The following AKNA variants were observed in gnomAD, a reference collection of about 807,000 sequenced individuals.
AKNA encodes the protein AT-hook transcription factor.
In AKNA, 67 loss-of-function variants were observed where a neutral mutation model predicts 138.8. The observed-to-expected ratio is 0.48, with a 90% CI of 0.40 to 0.59. AKNA has a LOEUF of 0.59. AKNA is among the 20% of genes least tolerant of loss of function. The probability of loss-of-function intolerance (pLI) is 0.00; values close to 1 mark genes in which losing one functional copy is unlikely to be tolerated. For missense variants in AKNA, 1,813 were observed against 1,880.4 expected, an observed-to-expected ratio of 0.96 and a Z score of 0.66; for synonymous variants, 737 against 754.4, an observed-to-expected ratio of 0.98 and a Z score of 0.38.
At chr9:114,341,844 ACTCC>A in intron 20 of AKNA, 119 bp from the exon 21 acceptor site, 2 of 1,339,354 alleles carry the variant, frequency 1.5e-6, no homozygotes, top group African/African-American at 2.9e-5. Flanking sequence ...ACCCTGTGAG[ACTCC>A]ATGTCGGGGA....
intron 21 of AKNA, among the ~76,000 whole-genome samples, chr9:114,339,894 C>T (rs893310017): frequency 6.6e-6 from 1 of 152,170 alleles, no homozygotes; most frequent in Non-Finnish European, 1.5e-5. Flanking sequence ...GCCAGGAGGT[C>T]AAGACCAGCC....
intron 12 of AKNA, 56 bp downstream of exon 12, chr9:114,357,865 G>C (rs1471853253): frequency 1.3e-6 from 2 of 1,574,944 alleles, no homozygotes; most frequent in Non-Finnish European, 1.7e-6. Flanking sequence ...AGAAAGTTGA[G>C]AAGACCCAGG....
chr9:114,331,001 T>A (rs1263370159), downstream of AKNA: 21 of 657,458 alleles, frequency 3.2e-5, no homozygotes, highest in Non-Finnish European at 2.7e-6. Flanking sequence ...TACCACGTGC[T>A]CAGAAAAAAT....
At chr9:114,340,163 A>C (rs975753671) in intron 21 of AKNA, among the ~76,000 whole-genome samples, 2 of 152,170 alleles carry the variant, frequency 1.3e-5, no homozygotes, top group Non-Finnish European at 2.9e-5. Context: ...CGAATAGAGG[A>C]CCAGGGCTGG....
upstream of AKNA, among the ~76,000 whole-genome samples, chr9:114,392,204 G>A (rs557381882): frequency 3.9e-5 from 6 of 152,192 alleles, no homozygotes; most frequent in South Asian, 1.0e-3. Context: ...GCCTGGCTAG[G>A]GAAGTAGAGA....
chr9:114,346,313 A>G (rs935879300), intron 17 of AKNA, among the ~76,000 whole-genome samples: 3 of 152,184 alleles, frequency 2.0e-5, no homozygotes, highest in African/African-American at 7.2e-5. Flanking sequence ...GCCAAGGACA[A>G]GTGGAGGGGA....
In AKNA at chr9:114,351,010, A is replaced by C. The variant is rs1455110277; in HGVS notation, c.3070T>G (p.Ser1024Ala). The C allele has an allele frequency of 6.2e-7, 1 of 1,613,808 alleles. No individual in the cohort carries two copies. The highest frequency in any genetic ancestry group is 2.2e-5 in the East Asian group (1 of 44,880). The change falls in exon 15 of 22, where the codon TCA becomes GCA. Residue 1024 changes from serine to alanine, a missense_variant. Transcript: ENST00000374088. Reference sequence around the variant, plus strand: ...ATCCGTTTGTGCCCCTCAAACTCTGAGCCAGGAACCGCTAGGGAGGCAGAG... The same window carrying C: ...ATCCGTTTGTGCCCCTCAAACTCTGCGCCAGGAACCGCTAGGGAGGCAGAG... ...TLAAEMAVPG[S>A]EFEGHKRISE...
At chr9:114,361,988 G>C (rs1375182319) in intron 8 of AKNA, 77 bp from the exon 9 acceptor site, 1 of 1,473,622 alleles carries the variant, frequency 6.8e-7, no homozygotes, top group Non-Finnish European at 9.3e-7. Context: ...GAGTATCAGA[G>C]CAGAGACTCC....
chr9:114,335,429 A>C lies in AKNA; in HGVS notation c.*1625T>G, dbSNP rs1376718696. ...ACAATGCCCAGTGCTTAGCACCGGA[A>C]TCAGGGTCTAGCAGGTGCTCCCTAA... On this transcript the variant is annotated 3_prime_UTR_variant, in exon 22 of 22. Transcript: ENST00000374088. 1 of 152,272 alleles carries C rather than the reference A, an allele frequency of 6.6e-6. No homozygotes were observed. The highest frequency in any genetic ancestry group is 1.5e-5 in the Non-Finnish European group (1 of 68,096). The allele number at this position is 152,272 out of a possible 1,614,324, so 9.4% of individuals were successfully genotyped here. A position where few individuals can be genotyped will look rare whatever the true frequency, so the allele number is the denominator to read the frequency against.
chr9:114,343,757 A>G lies in AKNA; in HGVS notation c.3708T>C (p.Asn1236=). ...VLSPKAVPKG[N]GTVSCPHCRP... The stretch of plus-strand genomic sequence containing the variant: ...GGCAGTGGGGACAGGAGACTGTGCC[A>G]TTGCCTTTTGGGACCGCCTTAGGGG... Residue 1236 remains asparagine, a synonymous_variant, in exon 19 of 22, where the codon AAT becomes AAC. Coordinates refer to ENST00000374088, the MANE Select transcript of AKNA (RefSeq NM_001317950.2). 6.2e-7 allele frequency: 1 copy of G among 1,614,164 alleles called. No individual in the cohort carries two copies. Among genetic ancestry groups the G allele is most frequent in the Non-Finnish European group, 8.5e-7 (1 of 1,180,008 alleles).
chr9:114,349,873 A>G (rs1002875277), intron 15 of AKNA, among the ~76,000 whole-genome samples: 3 of 152,108 alleles, frequency 2.0e-5, no homozygotes, highest in African/African-American at 4.8e-5. Flanking sequence ...TCCACTGAAG[A>G]TACTCTTCTA....
In AKNA at chr9:114,377,190, A is replaced by C. The variant is rs1196946094; in HGVS notation, c.617T>G (p.Val206Gly). Residue 206 changes from valine to glycine, a missense_variant, in exon 3 of 22, where the codon GTG becomes GGG. Coordinates refer to ENST00000374088, the MANE Select transcript of AKNA (RefSeq NM_001317950.2). ...SPARSWSSGT[V>G]SLDHPSDSLD... The stretch of plus-strand genomic sequence containing the variant: ...GCTGTCACTAGGGTGGTCGAGGCTC[A>C]CTGTCCCACTGCTCCAGGACCTTGC... The C allele has an allele frequency of 6.2e-7, 1 of 1,614,048 alleles. No homozygotes were observed. Among genetic ancestry groups the C allele is most frequent in the Non-Finnish European group, 8.5e-7 (1 of 1,180,026 alleles).
At chr9:114,362,562 G>A in intron 7 of AKNA, 29 bp from the exon 8 acceptor site, 1 of 1,608,956 alleles carries the variant, frequency 6.2e-7, no homozygotes, top group Non-Finnish European at 8.5e-7. Flanking sequence ...AGGAAGACTT[G>A]AGTGCTCAGT....
intron 4 of AKNA, among the ~76,000 whole-genome samples, chr9:114,370,373 C>A (rs935453351): frequency 6.6e-6 from 1 of 152,246 alleles, no homozygotes; most frequent in Admixed American, 6.5e-5. Context: ...CTCCCCAGAC[C>A]CCTCTCTCAG....
chr9:114,380,820 A>G (rs1833591599), intron 2 of AKNA, among the ~76,000 whole-genome samples: 1 of 46,428 alleles, frequency 2.2e-5, no homozygotes, highest in Non-Finnish European at 8.3e-5. Context: ...CTAAAAAAAG[A>G]AAAAAAAAAA....
upstream of AKNA, among the ~76,000 whole-genome samples, chr9:114,392,943 A>G (rs952128473): frequency 2.2e-4 from 34 of 152,310 alleles, no homozygotes; most frequent in African/African-American, 7.5e-4. Context: ...GGGTGTGGCC[A>G]TATTGAGGAA....
chr9:114,391,983 C>G (rs182038607), upstream of AKNA, among the ~76,000 whole-genome samples: 3 of 151,412 alleles, frequency 2.0e-5, no homozygotes, highest in East Asian at 3.9e-4. Context: ...TCTGCAGAAC[C>G]CTGCCAGCCC....
chr9:114,331,181 A>G (rs532542503), downstream of AKNA, among the ~76,000 whole-genome samples: 64 of 152,214 alleles, frequency 4.2e-4, no homozygotes, highest in African/African-American at 1.5e-3. Context: ...AACCAATGGT[A>G]GAAGCCTGTA....
chr9:114,388,729 A>G (rs186161752), upstream of AKNA, among the ~76,000 whole-genome samples: 406 of 152,286 alleles, frequency 2.7e-3, 2 homozygotes, highest in Middle Eastern at 6.8e-3. Flanking sequence ...CTGAGCTCCT[A>G]CTGTGTGGCG....
Sources: gnomAD v4.1 joint callset for allele counts (sites outside exome capture counted in the v4.1 genomes callset) on GRCh38, gnomAD v4.1.1 for gene constraint, MANE v1.5 for transcripts, NCBI Gene and HGNC (gene_info 2026-07-23, HGNC 2026-07-21) for gene names.